The following INPP5A variants were observed in gnomAD, a reference collection of about 807,000 sequenced individuals.
INPP5A encodes 43 kDa inositol polyphosphate 5-phophatase.
INPP5A carries 14 observed loss-of-function variants against 65.2 expected under a neutral mutation model. That is an observed-to-expected ratio of 0.21 (90% CI 0.14 to 0.34). INPP5A has a LOEUF of 0.34. Among genes scored for constraint, INPP5A ranks in the 10% least tolerant of loss-of-function variants. The pLI is 1.00. For synonymous variants in INPP5A, 207 were observed against 208.3 expected (o/e 0.99, Z 0.05); for missense variants, 431 against 545.6 (o/e 0.79, Z 2.09).
chr10:132,655,493 G>A lies in INPP5A; in HGVS notation c.306+4988G>A, dbSNP rs566790442. Reference sequence around the variant, plus strand: ...ATCCCGTGTCTTGTCTGCCGGGCACGCAGGGAGCTCCGAGAACACATCAGT... The same window carrying A: ...ATCCCGTGTCTTGTCTGCCGGGCACACAGGGAGCTCCGAGAACACATCAGT... On this transcript the variant is annotated intron_variant, in intron 4 of 15. Transcript: ENST00000368594. 9.6e-4 allele frequency among the ~76,000 whole-genome samples: 146 copies of A among 152,362 alleles called. 2 individuals carry two copies. The South Asian group carries it at 0.02, about 21-fold the overall frequency.
intron 2 of INPP5A, among the ~76,000 whole-genome samples, chr10:132,611,684 A>T (rs1373411908): frequency 7.0e-4 from 30 of 43,016 alleles, no homozygotes; most frequent in East Asian, 2.2e-3. Flanking sequence ...GGGGAGGGTG[A>T]GGGAGGTGAG....
chr10:132,701,763 C>T (rs557717226), intron 6 of INPP5A, among the ~76,000 whole-genome samples: 1 of 152,358 alleles, frequency 6.6e-6, no homozygotes, highest in South Asian at 2.1e-4. Context: ...CCACCCCACC[C>T]CAGCCCTGGC....
In INPP5A at chr10:132,771,849, GGAGGCCACA is replaced by G. The variant is rs1565011679; in HGVS notation, c.978-5820_978-5812del. Among the ~76,000 whole-genome samples, 19 of 97,450 alleles carry G rather than the reference GGAGGCCACA, an allele frequency of 1.9e-4. 1 individual carries two copies. The highest frequency in any genetic ancestry group is 7.8e-4 in the African/African-American group (18 of 22,950). The allele number at this position is 97,450 out of a possible 152,430, so 63.9% of individuals were successfully genotyped here. On this transcript the variant is annotated intron_variant, in intron 12 of 15. Coordinates refer to ENST00000368594, the MANE Select transcript of INPP5A (RefSeq NM_005539.5). ...AGAGTGGGGCACTCAGCACTGACAC[GGAGGCCACA>G]GCAGCCACCCCGCGAAGAGTGGGAC...
chr10:132,782,000 C>G (rs1242262040), intron 15 of INPP5A, 37 bp from the exon 16 acceptor site: 1 of 1,611,434 alleles, frequency 6.2e-7, no homozygotes, highest in South Asian at 1.1e-5. Flanking sequence ...TTTCCTGGTG[C>G]GTTTGTTCCT....
chr10:132,681,426 C>A (rs986775532), intron 4 of INPP5A, among the ~76,000 whole-genome samples: 1 of 152,180 alleles, frequency 6.6e-6, no homozygotes, highest in African/African-American at 2.4e-5. Flanking sequence ...CCTGAGCCAG[C>A]GAGACCACGA....
intron 2 of INPP5A, among the ~76,000 whole-genome samples, chr10:132,623,197 A>C (rs1425275964): frequency 1.3e-5 from 2 of 152,260 alleles, no homozygotes; most frequent in African/African-American, 4.8e-5. Flanking sequence ...AACAGTTAAA[A>C]AGTAAAAACA....
chr10:132,748,191 C>A (rs1430105427), intron 9 of INPP5A, among the ~76,000 whole-genome samples: 1 of 152,132 alleles, frequency 6.6e-6, no homozygotes, highest in African/African-American at 2.4e-5. Context: ...TCCCTCCCGG[C>A]CCCCGCAGTC....
intron 4 of INPP5A, among the ~76,000 whole-genome samples, chr10:132,672,096 G>A (rs908664652): frequency 2.0e-5 from 3 of 152,144 alleles, no homozygotes; most frequent in East Asian, 1.9e-4. Context: ...AGAGAACTAC[G>A]TTTTGTTAAG....
Position 132,551,857 on chromosome 10 carries a change from A to G in INPP5A, c.75+13686A>G, listed in dbSNP as rs141992123. On this transcript the variant is annotated intron_variant, in intron 1 of 15. Transcript: ENST00000368594. This position sits in a 1 kb window ranked among gnomAD's most constrained non-coding sequence, Gnocchi z 5.3. ...CTCTGAATAGTCGGCTGCACGATTA[A>G]ACTGGGTTCTGCTCGGGGAGTCCCT... 5.0e-4 allele frequency among the ~76,000 whole-genome samples: 76 copies of G among 152,314 alleles called. No individual in the cohort carries two copies. The East Asian group carries it at 0.014, about 27-fold the overall frequency.
At position 132,555,659 on chromosome 10, in the gene INPP5A, G is replaced by A. The variant is rs1463749950; in HGVS notation, c.75+17488G>A. Among the ~76,000 whole-genome samples, 5 of 152,270 alleles carry A rather than the reference G, an allele frequency of 3.3e-5. No homozygotes were observed. ...AGGGAGAGAGTTCAAGTGTATCCTA[G>A]CGTCTTGGAGAAAAATGGTCTATGA... On this transcript the variant is annotated intron_variant, in intron 1 of 15. Coordinates refer to ENST00000368594, the MANE Select transcript of INPP5A (RefSeq NM_005539.5). The surrounding 1 kb of genome is among the most constrained non-coding windows in gnomAD (Gnocchi z 4.4).
Position 132,606,758 on chromosome 10 carries a change from G to A in INPP5A, c.76-1157G>A, listed in dbSNP as rs533095320. ...CTGCACGCCTTGGCCCCATGCCCACGGCCACGGAGGCTGAGACCAGGGCAG... is the reference window on the plus strand; with the variant it reads ...CTGCACGCCTTGGCCCCATGCCCACAGCCACGGAGGCTGAGACCAGGGCAG... On this transcript the variant is annotated intron_variant, in intron 1 of 15. Transcript: ENST00000368594. Among the ~76,000 whole-genome samples the A allele has an allele frequency of 4.6e-4, 70 of 152,296 alleles. 2 individuals are homozygous for A. The South Asian group carries it at 0.013, about 28-fold the overall frequency.
chr10:132,764,886 G>A (rs1846811507), intron 11 of INPP5A, among the ~76,000 whole-genome samples: 1 of 141,474 alleles, frequency 7.1e-6, no homozygotes, highest in Non-Finnish European at 1.5e-5. Context: ...GGTGTGCGTG[G>A]TGACACTCAG....
At chr10:132,643,285 G>A (rs935138751) in intron 2 of INPP5A, among the ~76,000 whole-genome samples, 5 of 152,174 alleles carry the variant, frequency 3.3e-5, no homozygotes, top group African/African-American at 2.4e-5. Context: ...TACTGCCACT[G>A]TCTTTCTCTG....
chr10:132,577,012 T>C (rs1267433457), intron 1 of INPP5A, among the ~76,000 whole-genome samples: 1 of 152,136 alleles, frequency 6.6e-6, no homozygotes, highest in Non-Finnish European at 1.5e-5. Flanking sequence ...CTCTGACCCA[T>C]GGGGAGAGGG....
In INPP5A at chr10:132,627,940, C is replaced by G. The variant is rs76301846; in HGVS notation, c.118-17928C>G. ...GGAGAGAAACTGGAGATAAGGGACG[C>G]GAATCTGACTCGGTGACTTTGTTGT... On this transcript the variant is annotated intron_variant, in intron 2 of 15. Coordinates refer to ENST00000368594, the MANE Select transcript of INPP5A (RefSeq NM_005539.5). The surrounding 1 kb of genome is among the most constrained non-coding windows in gnomAD (Gnocchi z 6.6). Among the ~76,000 whole-genome samples, 1 of 151,988 alleles carries G rather than the reference C, an allele frequency of 6.6e-6. No individual in the cohort carries two copies. The highest frequency in any genetic ancestry group is 2.4e-5 in the African/African-American group (1 of 41,392).
At chr10:132,686,090 G>A (rs535493276) in intron 4 of INPP5A, among the ~76,000 whole-genome samples, 27 of 152,346 alleles carry the variant, frequency 1.8e-4, no homozygotes, top group Admixed American at 7.2e-4. Flanking sequence ...CTCCCAGGCT[G>A]CCTTCAGAGA....
intron 11 of INPP5A, among the ~76,000 whole-genome samples, chr10:132,764,701 G>A (rs1415019411): frequency 1.7e-4 from 23 of 136,282 alleles, no homozygotes; most frequent in African/African-American, 5.8e-4. Flanking sequence ...CAGTCCTGCT[G>A]TGGTGGGAGG....
chr10:132,608,042 G>C (rs2071882873), intron 2 of INPP5A, 86 bp downstream of exon 2: 8 of 1,258,442 alleles, frequency 6.4e-6, no homozygotes, highest in Non-Finnish European at 9.3e-6. Context: ...CATGGAGTCT[G>C]GTGTGTCTAT....
chr10:132,623,681 G>A (rs2072137067), intron 2 of INPP5A, among the ~76,000 whole-genome samples: 1 of 152,170 alleles, frequency 6.6e-6, no homozygotes, highest in Admixed American at 6.5e-5. Flanking sequence ...TCTGCTCTTT[G>A]TTAAGACACT....
Sources: allele counts gnomAD v4.1 joint callset (sites outside exome capture counted in the v4.1 genomes callset), GRCh38; gene constraint gnomAD v4.1.1; non-coding constraint Gnocchi (gnomAD v3.1); transcripts MANE v1.5; gene names NCBI Gene and HGNC (gene_info 2026-07-23, HGNC 2026-07-21).